The following TRPM6 variants were observed in gnomAD, a reference collection of about 807,000 sequenced individuals.
The protein encoded by TRPM6 is transient receptor potential cation channel subfamily M member 6.
Under a neutral mutation model 247.6 loss-of-function variants are expected in TRPM6, and 111 were observed. That is an observed-to-expected ratio of 0.45 (90% CI 0.38 to 0.52). The LOEUF (loss-of-function observed/expected upper bound fraction) is 0.52, where lower values mean the gene tolerates loss of function less well. Ranked by LOEUF, TRPM6 falls within the 20% of genes least tolerant of loss-of-function variation. The pLI is 0.00. For missense variants in TRPM6, 2,126 were observed against 2,421.5 expected, an observed-to-expected ratio of 0.88 and a Z score of 2.56; for synonymous variants, 892 against 853.8, an observed-to-expected ratio of 1.04 and a Z score of -0.78.
intron 19 of TRPM6, among the ~76,000 whole-genome samples, chr9:74,789,411 A>G (rs1045046811): frequency 6.6e-6 from 1 of 152,182 alleles, no homozygotes; most frequent in Non-Finnish European, 1.5e-5. Flanking sequence ...AAGAATTAAG[A>G]CATAGTGATC....
intron 1 of TRPM6, among the ~76,000 whole-genome samples, chr9:74,882,838 G>C (rs1433405759): frequency 6.6e-6 from 1 of 152,154 alleles, no homozygotes; most frequent in Non-Finnish European, 1.5e-5. Flanking sequence ...GTCTGTGTGA[G>C]AATCTCTTTT....
At chr9:74,795,971 C>T (rs1293676661) in intron 18 of TRPM6, among the ~76,000 whole-genome samples, 1 of 152,154 alleles carries the variant, frequency 6.6e-6, no homozygotes, top group Non-Finnish European at 1.5e-5. Flanking sequence ...AACACAGTGA[C>T]ACTCTAAAGA....
At chr9:74,811,506 C>A (rs1161697674) in intron 12 of TRPM6, among the ~76,000 whole-genome samples, 2 of 152,184 alleles carry the variant, frequency 1.3e-5, no homozygotes, top group African/African-American at 2.4e-5. Flanking sequence ...GTGTGTAAGT[C>A]AGGCTAGTTT....
chr9:74,773,500 C>T (rs1015207277), intron 24 of TRPM6, among the ~76,000 whole-genome samples: 1 of 152,220 alleles, frequency 6.6e-6, no homozygotes, highest in African/African-American at 2.4e-5. Context: ...AAGGCTAACA[C>T]AATTCTTCAT....
At chr9:74,843,178 C>T (rs1303970884) in intron 3 of TRPM6, among the ~76,000 whole-genome samples, 3 of 152,252 alleles carry the variant, frequency 2.0e-5, no homozygotes, top group Non-Finnish European at 2.9e-5. Flanking sequence ...CCATAAGAAG[C>T]ACCTCCTCAT....
chr9:74,854,291 G>C (rs1425046134), intron 3 of TRPM6, among the ~76,000 whole-genome samples: 3 of 152,212 alleles, frequency 2.0e-5, no homozygotes, highest in Non-Finnish European at 4.4e-5. Flanking sequence ...TCTGAAGGTT[G>C]TGGGGTTGAG....
At chr9:74,794,965 G>GT (rs1265339769) in intron 18 of TRPM6, among the ~76,000 whole-genome samples, 1 of 140,636 alleles carries the variant, frequency 7.1e-6, no homozygotes, top group East Asian at 2.1e-4. Context: ...CCCCATATCT[G>GT]TTTTGCAGTC....
intron 15 of TRPM6, 149 bp from the exon 16 acceptor site, chr9:74,802,324 C>CA (rs1828373044): frequency 1.3e-6 from 1 of 743,300 alleles, no homozygotes; most frequent in African/African-American, 1.8e-5. Context: ...AGCCAGCAAG[C>CA]AAAATTTAGA....
chr9:74,737,038 T>A (rs758689133), intron 36 of TRPM6, among the ~76,000 whole-genome samples: 8 of 152,134 alleles, frequency 5.3e-5, no homozygotes, highest in Non-Finnish European at 8.8e-5. Context: ...CAAATACAGA[T>A]GAAAACAATC....
intron 3 of TRPM6, among the ~76,000 whole-genome samples, chr9:74,850,067 A>G (rs1587577247): frequency 1.3e-5 from 2 of 152,210 alleles, no homozygotes; most frequent in African/African-American, 4.8e-5. Flanking sequence ...ACAACTTACA[A>G]TCTCTTCAGA....
intron 4 of TRPM6, among the ~76,000 whole-genome samples, chr9:74,841,580 C>T (rs1456588565): frequency 1.3e-5 from 2 of 152,098 alleles, no homozygotes; most frequent in African/African-American, 4.8e-5. Flanking sequence ...TCTTGGCTCA[C>T]TGCAACCTCT....
chr9:74,727,413 C>T (rs1343168578), intron 38 of TRPM6, among the ~76,000 whole-genome samples: 2 of 151,216 alleles, frequency 1.3e-5, no homozygotes, highest in Non-Finnish European at 2.9e-5. Flanking sequence ...AAGAAATCTC[C>T]TTCGTTTGTT....
chr9:74,742,706 T>G, intron 32 of TRPM6, 80 bp from the exon 33 acceptor site: 6 of 1,158,068 alleles, frequency 5.2e-6, no homozygotes, highest in Non-Finnish European at 6.4e-6. Context: ...ATCAATATAT[T>G]CATATAATGC....
chr9:74,812,565 A>AT, intron 11 of TRPM6, 132 bp from the exon 12 acceptor site: 91 of 840,362 alleles, frequency 1.1e-4, no homozygotes, highest in Non-Finnish European at 1.3e-4. Flanking sequence ...CAGTGGGTAC[A>AT]GAAAAAAAAA....
At chr9:74,789,960 CAAAA>C (rs71368680) in intron 19 of TRPM6, among the ~76,000 whole-genome samples, 1 of 65,114 alleles carries the variant, frequency 1.5e-5, no homozygotes, top group Non-Finnish European at 2.8e-5. Context: ...GACTCCATCT[CAAAA>C]AAAAAAAAAA....
At chr9:74,830,767 T>G (rs1468378353) in intron 6 of TRPM6, among the ~76,000 whole-genome samples, 10 of 141,446 alleles carry the variant, frequency 7.1e-5, no homozygotes, top group African/African-American at 1.1e-4. Context: ...TTTTTTTTTT[T>G]TTTTTTTTTT....
Position 74,761,773 on chromosome 9 carries a change from A to G in TRPM6, c.4708T>C (p.Trp1570Arg), listed in dbSNP as rs781498280. The part of the protein sequence containing the change: ...SGSSEIGQGA[W>R]VKAKMLTKDR... ...TTGGTTAGCATTTTCGCTTTGACCC[A>G]TGCTCCCTGCCCTATTTCTGAAGAG... The change falls in exon 27 of 39, where the codon TGG becomes CGG. Residue 1570 changes from tryptophan to arginine, a missense_variant. Physicochemically the swap from Trp to Arg is moderately radical, Grantham distance 101. Transcript: ENST00000360774. 20 of 1,613,916 alleles carry G rather than the reference A, an allele frequency of 1.2e-5. No homozygotes were observed. Among genetic ancestry groups the G allele is most frequent in the Middle Eastern group, 1.6e-4 (1 of 6,082 alleles).
intron 5 of TRPM6, among the ~76,000 whole-genome samples, chr9:74,836,859 G>T (rs1482074382): frequency 6.6e-6 from 1 of 152,120 alleles, no homozygotes; most frequent in Non-Finnish European, 1.5e-5. Context: ...TCTTACTAAT[G>T]CCGCTTCCTA....
chr9:74,876,527 G>A (rs886339191), intron 1 of TRPM6, among the ~76,000 whole-genome samples: 3 of 152,216 alleles, frequency 2.0e-5, no homozygotes, highest in African/African-American at 7.2e-5. Context: ...ATCTTAGAGA[G>A]GCTGAGTAAT....
Sources: allele counts gnomAD v4.1 joint callset (sites outside exome capture counted in the v4.1 genomes callset), GRCh38; gene constraint gnomAD v4.1.1; transcripts MANE v1.5; gene names NCBI Gene and HGNC (gene_info 2026-07-23, HGNC 2026-07-21).